ERC1: variants seen among roughly 807,000 people sequenced by gnomAD.
The protein encoded by ERC1 is ELKS/RAB6-interacting/CAST family member 1.
A neutral mutation model predicts 132.0 loss-of-function variants in ERC1; 56 were observed. That is an observed-to-expected ratio of 0.42 (90% CI 0.34 to 0.53). ERC1 has a LOEUF of 0.53. Ranked by LOEUF, ERC1 falls within the 20% of genes least tolerant of loss-of-function variation. The pLI, the probability that ERC1 is intolerant of heterozygous loss-of-function variation, is 0.03. For synonymous variants in ERC1, 478 were observed against 476.1 expected (o/e 1.00, Z -0.05); for missense variants, 1,202 against 1,349.9 (o/e 0.89, Z 1.72).
At chr12:1,014,302 A>G (rs1232160195) in intron 1 of ERC1, among the ~76,000 whole-genome samples, 1 of 151,890 alleles carries the variant, frequency 6.6e-6, no homozygotes, top group Non-Finnish European at 1.5e-5. Context: ...CAGCCTCCTG[A>G]GTAGCTGAGA....
At chr12:1,121,624 T>C (rs1404023675) in intron 7 of ERC1, among the ~76,000 whole-genome samples, 1 of 152,032 alleles carries the variant, frequency 6.6e-6, no homozygotes, top group Non-Finnish European at 1.5e-5. Context: ...CAGTGGCAAA[T>C]GAAACAAAGG....
At chr12:1,457,293 A>G (rs1294595600) in intron 18 of ERC1, among the ~76,000 whole-genome samples, 1 of 152,208 alleles carries the variant, frequency 6.6e-6, no homozygotes, top group African/African-American at 2.4e-5. Context: ...ACATGTCTGT[A>G]GTATGCAGTT....
At chr12:1,237,107 C>A (rs2075470436) in intron 13 of ERC1, among the ~76,000 whole-genome samples, 1 of 152,180 alleles carries the variant, frequency 6.6e-6, no homozygotes, top group African/African-American at 2.4e-5. Context: ...TATGAGGACA[C>A]CTCAGCATAG....
intron 15 of ERC1, among the ~76,000 whole-genome samples, chr12:1,336,772 T>G (rs2083350816): frequency 6.6e-6 from 1 of 152,070 alleles, no homozygotes; most frequent in Admixed American, 6.6e-5. Context: ...TTTGATCCTA[T>G]GCTGAGTTCA....
chr12:1,073,397 C>G (rs1325832942), intron 2 of ERC1, among the ~76,000 whole-genome samples: 1 of 152,112 alleles, frequency 6.6e-6, no homozygotes, highest in Non-Finnish European at 1.5e-5. Context: ...GATGAGGTGC[C>G]TCATACCTGA....
chr12:1,248,894 A>T (rs1445970705), intron 13 of ERC1, among the ~76,000 whole-genome samples: 1 of 152,110 alleles, frequency 6.6e-6, no homozygotes, highest in Non-Finnish European at 1.5e-5. Context: ...ATTTAAAAAA[A>T]AATTTTTGGA....
intron 8 of ERC1, among the ~76,000 whole-genome samples, chr12:1,167,610 A>G (rs2154263978): frequency 6.6e-6 from 1 of 151,910 alleles, no homozygotes; most frequent in East Asian, 1.9e-4. Flanking sequence ...TTTTTCTCCT[A>G]ATGATTTTTT....
intron 5 of ERC1, among the ~76,000 whole-genome samples, chr12:1,111,324 T>TCAAC (rs1945834867): frequency 6.6e-6 from 1 of 152,242 alleles, no homozygotes; most frequent in African/African-American, 2.4e-5. Flanking sequence ...GTGGTTTCAT[T>TCAAC]AAACATTATG....
intron 15 of ERC1, among the ~76,000 whole-genome samples, chr12:1,339,797 G>A (rs2083657176): frequency 6.6e-6 from 1 of 152,150 alleles, no homozygotes. Flanking sequence ...GGTTGGGGAG[G>A]GTCTGCTGTC....
At chr12:1,155,115 C>G (rs937293304) in intron 8 of ERC1, among the ~76,000 whole-genome samples, 5 of 152,072 alleles carry the variant, frequency 3.3e-5, no homozygotes, top group East Asian at 1.9e-4. Context: ...GTCAGGAGTT[C>G]AAGACAAACC....
chr12:1,255,799 AT>A (rs1264492320), intron 13 of ERC1, among the ~76,000 whole-genome samples: 50 of 147,142 alleles, frequency 3.4e-4, no homozygotes, highest in African/African-American at 1.1e-3. Flanking sequence ...CTCCTGGCTA[AT>A]TTTTTTTTGT....
chr12:1,028,656 T>A, intron 2 of ERC1, 84 bp downstream of exon 2: 1 of 1,134,234 alleles, frequency 8.8e-7, no homozygotes, highest in Non-Finnish European at 1.2e-6. Flanking sequence ...CCTAGATTTT[T>A]CCCTTCGTAG....
chr12:1,486,171 C>G (rs564762244), intron 18 of ERC1, among the ~76,000 whole-genome samples: 1 of 152,168 alleles, frequency 6.6e-6, no homozygotes, highest in Admixed American at 6.5e-5. Flanking sequence ...TTTCTTGACT[C>G]TTCTCTATAT....
chr12:1,051,529 CAAAAAAAAAAAA>C (rs35353366), intron 2 of ERC1, among the ~76,000 whole-genome samples: 124 of 127,694 alleles, frequency 9.7e-4, no homozygotes, highest in African/African-American at 2.8e-3. Context: ...GTCTCTACCC[CAAAAAAAAAAAA>C]AAAAAAAAAA....
chr12:1,054,556 G>C (rs1024675863), intron 2 of ERC1, among the ~76,000 whole-genome samples: 3 of 151,990 alleles, frequency 2.0e-5, no homozygotes, highest in African/African-American at 7.3e-5. Context: ...ACGGATGGCA[G>C]TGTTAGCTGT....
At chr12:1,229,643 G>T (rs1432110191) in intron 12 of ERC1, among the ~76,000 whole-genome samples, 3 of 152,000 alleles carry the variant, frequency 2.0e-5, no homozygotes, top group African/African-American at 7.2e-5. Context: ...TACTCCTGTG[G>T]ATCAGTTGTA....
intron 3 of ERC1, 118 bp downstream of exon 3, chr12:1,083,698 A>G (rs1248183715): frequency 7.4e-6 from 6 of 809,958 alleles, no homozygotes; most frequent in African/African-American, 5.2e-5. Context: ...AGAGAATTTC[A>G]TCCTTTGTAT....
intron 8 of ERC1, among the ~76,000 whole-genome samples, chr12:1,149,054 AATAGAG>A (rs1950617674): frequency 6.6e-6 from 1 of 152,152 alleles, no homozygotes; most frequent in Non-Finnish European, 1.5e-5. Flanking sequence ...TGGCTGATAA[AATAGAG>A]ATAGCTTTAA....
intron 12 of ERC1, among the ~76,000 whole-genome samples, chr12:1,190,964 G>T (rs924105198): frequency 2.0e-5 from 3 of 151,736 alleles, no homozygotes; most frequent in African/African-American, 7.3e-5. Flanking sequence ...AAGTTTTAAA[G>T]TTTTGGGGTT....
Sources: gnomAD v4.1 joint callset for allele counts (sites outside exome capture counted in the v4.1 genomes callset) on GRCh38, gnomAD v4.1.1 for gene constraint, MANE v1.5 for transcripts, NCBI Gene and HGNC (gene_info 2026-07-23, HGNC 2026-07-21) for gene names.